The following SAMD5 variants were observed in gnomAD, a reference collection of about 807,000 sequenced individuals.
The protein encoded by SAMD5 is sterile alpha motif domain containing 5, also known as sterile alpha motif domain-containing protein 5.
A neutral mutation model predicts 11.3 loss-of-function variants in SAMD5; 13 were observed. The observed-to-expected ratio is 1.15, with a 90% confidence interval of 0.75 to 1.83. The LOEUF (loss-of-function observed/expected upper bound fraction) is 1.83. SAMD5 is among the 40% of genes most tolerant of loss of function. The pLI is 0.00. For synonymous variants in SAMD5, 129 were observed against 111.3 expected (o/e 1.16, Z -1.00); for missense variants, 255 against 239.1 (o/e 1.07, Z -0.44).
chr6:147,640,312 G>T (rs1008754924), intron 1 of SAMD5, among the ~76,000 whole-genome samples: 12 of 150,060 alleles, frequency 8.0e-5, no homozygotes, highest in Non-Finnish European at 1.3e-4. Context: ...TGGTGACAGA[G>T]TGAGACTTCA....
the SAMD5 span, among the ~76,000 whole-genome samples, chr6:147,925,645 CAA>C: frequency 9.7e-5 from 14 of 144,406 alleles, no homozygotes; most frequent in East Asian, 2.9e-3. Flanking sequence ...TGTATATGTT[CAA>C]CTATTATTCC....
At chr6:147,712,180 T>G (rs1285901133) in intron 1 of SAMD5, among the ~76,000 whole-genome samples, 1 of 152,204 alleles carries the variant, frequency 6.6e-6, no homozygotes, top group South Asian at 2.1e-4. Flanking sequence ...TGTACTTTGA[T>G]TCTGCATGTA....
the SAMD5 span, among the ~76,000 whole-genome samples, chr6:147,912,290 T>C: frequency 1.9e-3 from 296 of 152,318 alleles, no homozygotes; most frequent in African/African-American, 6.9e-3. Flanking sequence ...TCAGTTTATG[T>C]AGATGTGAAC....
chr6:147,583,984 TAAGA>T (rs916795697), intron 1 of SAMD5, among the ~76,000 whole-genome samples: 1 of 152,072 alleles, frequency 6.6e-6, no homozygotes, highest in African/African-American at 2.4e-5. Flanking sequence ...TTGCCAAGTT[TAAGA>T]AAGACTTTAA....
At chr6:147,768,506 CAAAA>C in the SAMD5 span, among the ~76,000 whole-genome samples, 1 of 151,236 alleles carries the variant, frequency 6.6e-6, no homozygotes, top group African/African-American at 2.4e-5. Context: ...TCAAACAAAA[CAAAA>C]CAACAACAAC....
the SAMD5 span, among the ~76,000 whole-genome samples, chr6:147,840,229 A>G: frequency 6.6e-6 from 1 of 152,212 alleles, no homozygotes; most frequent in African/African-American, 2.4e-5. Flanking sequence ...AAATGTTTTG[A>G]TGGCATGTCA....
At chr6:147,675,717 CTT>C (rs200035467) in intron 1 of SAMD5, among the ~76,000 whole-genome samples, 180 of 152,276 alleles carry the variant, frequency 1.2e-3, no homozygotes, top group African/African-American at 3.7e-3. Context: ...AGTAATATAA[CTT>C]AAATGTAGAT....
the SAMD5 span, among the ~76,000 whole-genome samples, chr6:147,804,837 A>C: frequency 6.6e-6 from 1 of 152,230 alleles, no homozygotes; most frequent in South Asian, 2.1e-4. Context: ...CCAGCATATA[A>C]ATAACTACTG....
At chr6:147,931,303 A>G in the SAMD5 span, among the ~76,000 whole-genome samples, 1 of 152,322 alleles carries the variant, frequency 6.6e-6, no homozygotes, top group Middle Eastern at 3.4e-3. Flanking sequence ...ATAGGATGTG[A>G]TCATTCTCTT....
intron 1 of SAMD5, among the ~76,000 whole-genome samples, chr6:147,652,874 G>A (rs1790511361): frequency 6.6e-6 from 1 of 152,112 alleles, no homozygotes; most frequent in Non-Finnish European, 1.5e-5. Flanking sequence ...TGTCTTAGAT[G>A]TCTTTTTGCC....
At chr6:147,858,262 A>G in the SAMD5 span, among the ~76,000 whole-genome samples, 1 of 152,088 alleles carries the variant, frequency 6.6e-6, no homozygotes, top group African/African-American at 2.4e-5. Context: ...GCACTTTGTT[A>G]ATAGACCAGA....
the SAMD5 span, among the ~76,000 whole-genome samples, chr6:147,948,506 G>C: frequency 6.6e-6 from 1 of 151,980 alleles, no homozygotes; most frequent in Non-Finnish European, 1.5e-5. Context: ...TCAGATTATT[G>C]GTTCCGTTAG....
chr6:147,647,941 A>G (rs552140673), intron 1 of SAMD5, among the ~76,000 whole-genome samples: 2 of 152,308 alleles, frequency 1.3e-5, no homozygotes, highest in South Asian at 2.1e-4. Flanking sequence ...TTGGACCACT[A>G]CAAGAGATTA....
downstream of SAMD5, among the ~76,000 whole-genome samples, chr6:147,737,797 C>T (rs146589245): frequency 4.1e-5 from 6 of 146,638 alleles, no homozygotes; most frequent in East Asian, 2.0e-4. Context: ...CACATGCACA[C>T]GTTTCAAATT....
At chr6:147,936,606 G>T in the SAMD5 span, among the ~76,000 whole-genome samples, 4 of 152,096 alleles carry the variant, frequency 2.6e-5, no homozygotes, top group Admixed American at 6.6e-5. Context: ...CAATACTGGG[G>T]ATTTCAATTC....
chr6:147,849,073 GA>G, the SAMD5 span, among the ~76,000 whole-genome samples: 3 of 151,766 alleles, frequency 2.0e-5, no homozygotes, highest in Non-Finnish European at 4.4e-5. Context: ...CCCTCCTTTA[GA>G]GAACTTGGAA....
At chr6:147,625,996 A>G (rs1438915032) in intron 1 of SAMD5, among the ~76,000 whole-genome samples, 1 of 152,148 alleles carries the variant, frequency 6.6e-6, no homozygotes, top group Non-Finnish European at 1.5e-5. Context: ...CATGCAATGT[A>G]GTTCTGACCT....
intron 1 of SAMD5, among the ~76,000 whole-genome samples, chr6:147,605,625 T>A (rs550244941): frequency 6.6e-6 from 1 of 152,298 alleles, no homozygotes; most frequent in African/African-American, 2.4e-5. Context: ...TATTAACCCA[T>A]TTTTAAAACC....
chr6:147,854,294 G>C, the SAMD5 span, among the ~76,000 whole-genome samples: 1 of 152,182 alleles, frequency 6.6e-6, no homozygotes, highest in Non-Finnish European at 1.5e-5. Context: ...GAAACGAGAA[G>C]GTTTGGTCAG....
Sources: gnomAD v4.1 joint callset for allele counts (sites outside exome capture counted in the v4.1 genomes callset) on GRCh38, gnomAD v4.1.1 for gene constraint, MANE v1.5 for transcripts, NCBI Gene and HGNC (gene_info 2026-07-23, HGNC 2026-07-21) for gene names.